ARHGAP10: variants seen among roughly 807,000 people sequenced by gnomAD.
The protein encoded by ARHGAP10 is rho GTPase-activating protein 10.
In ARHGAP10, 87 loss-of-function variants were observed where a neutral mutation model predicts 108.6. The observed-to-expected ratio is 0.80, with a 90% CI of 0.67 to 0.96. The LOEUF is 0.96. ARHGAP10 is among the 40% of genes least tolerant of loss of function. ARHGAP10 has a pLI of 0.00. For synonymous variants in ARHGAP10, 347 were observed against 341.1 expected, an observed-to-expected ratio of 1.02 and a Z score of -0.19; for missense variants, 939 against 954.5, an observed-to-expected ratio of 0.98 and a Z score of 0.21.
At chr4:147,920,731 C>T (rs1199459496) in intron 13 of ARHGAP10, among the ~76,000 whole-genome samples, 8 of 152,030 alleles carry the variant, frequency 5.3e-5, no homozygotes, top group Admixed American at 3.9e-4. Flanking sequence ...AAATTTGCAC[C>T]GATTAAGAGA....
intron 3 of ARHGAP10, among the ~76,000 whole-genome samples, chr4:147,831,267 G>A (rs762841829): frequency 1.3e-5 from 2 of 152,204 alleles, no homozygotes; most frequent in Non-Finnish European, 2.9e-5. Context: ...GTGATGGAAA[G>A]CCTAAGCTTT....
intron 13 of ARHGAP10, chr4:147,917,134 A>T (rs349023): frequency 1 from 152,330 of 152,336 alleles, 76,162 homozygotes; most frequent in Non-Finnish European, 1. Context: ...TTGATTCAGG[A>T]GTAGGATAGC....
At chr4:147,819,431 T>C (rs973319434) in intron 1 of ARHGAP10, among the ~76,000 whole-genome samples, 17 of 152,182 alleles carry the variant, frequency 1.1e-4, no homozygotes, top group African/African-American at 4.1e-4. Flanking sequence ...ATAATGTGTA[T>C]GTGACTACTA....
At chr4:148,039,143 C>T (rs968986013) in intron 19 of ARHGAP10, among the ~76,000 whole-genome samples, 1 of 151,866 alleles carries the variant, frequency 6.6e-6, no homozygotes, top group Non-Finnish European at 1.5e-5. Context: ...TAAAAGACAA[C>T]AATGGACATG....
intron 13 of ARHGAP10, among the ~76,000 whole-genome samples, chr4:147,934,402 T>G (rs762404437): frequency 1.3e-5 from 2 of 152,162 alleles, no homozygotes; most frequent in Non-Finnish European, 2.9e-5. Context: ...GAGACTTTGA[T>G]GGTGGATGGA....
chr4:148,036,402 G>T (rs747980763), intron 19 of ARHGAP10, among the ~76,000 whole-genome samples: 1 of 152,118 alleles, frequency 6.6e-6, no homozygotes, highest in Non-Finnish European at 1.5e-5. Context: ...TAATCCCCAC[G>T]TGTCGTGGGA....
intron 1 of ARHGAP10, among the ~76,000 whole-genome samples, chr4:147,739,738 C>CTT (rs772201824): frequency 2.8e-4 from 39 of 137,630 alleles, no homozygotes; most frequent in Middle Eastern, 3.8e-3. Context: ...ATATCTTGGG[C>CTT]TTTTTTTTTT....
chr4:148,023,134 G>T (rs1226462396), intron 18 of ARHGAP10, 129 bp from the exon 19 acceptor site: 1 of 952,224 alleles, frequency 1.1e-6, no homozygotes, highest in African/African-American at 1.6e-5. Context: ...TCATTGGAAG[G>T]AATGGATTTT....
At chr4:147,909,888 G>A (rs1403489789) in intron 12 of ARHGAP10, 111 bp downstream of exon 12, 1 of 1,007,046 alleles carries the variant, frequency 9.9e-7, no homozygotes, top group Non-Finnish European at 1.5e-6. Flanking sequence ...CCCTCTATTA[G>A]ACAGAGGGGT....
intron 13 of ARHGAP10, among the ~76,000 whole-genome samples, chr4:147,915,428 G>A (rs1190646483): frequency 2.0e-5 from 3 of 152,118 alleles, no homozygotes; most frequent in Non-Finnish European, 4.4e-5. Flanking sequence ...TGTGTCATTT[G>A]CATGCTTATT....
At chr4:147,792,146 C>G (rs888863478) in intron 1 of ARHGAP10, among the ~76,000 whole-genome samples, 4 of 152,208 alleles carry the variant, frequency 2.6e-5, no homozygotes, top group African/African-American at 7.2e-5. Flanking sequence ...ATTACATTCC[C>G]TCTGCATTGT....
intron 1 of ARHGAP10, among the ~76,000 whole-genome samples, chr4:147,745,577 C>T (rs528462817): frequency 7.9e-5 from 12 of 152,236 alleles, no homozygotes; most frequent in Admixed American, 4.6e-4. Context: ...CTGCAAGCCC[C>T]GCCTCCTGGG....
chr4:147,774,286 C>T (rs890338543), intron 1 of ARHGAP10, among the ~76,000 whole-genome samples: 3 of 152,146 alleles, frequency 2.0e-5, no homozygotes, highest in African/African-American at 7.2e-5. Flanking sequence ...GTCTTGGGGT[C>T]TCCAGCCAAA....
intron 22 of ARHGAP10, among the ~76,000 whole-genome samples, chr4:148,068,701 AG>A (rs1423691682): frequency 1.3e-5 from 2 of 152,220 alleles, no homozygotes; most frequent in African/African-American, 2.4e-5. Context: ...GGTGGGAGAT[AG>A]GACAGAGCCC....
chr4:147,899,564 T>G (rs1477546697), intron 10 of ARHGAP10, among the ~76,000 whole-genome samples: 1 of 152,212 alleles, frequency 6.6e-6, no homozygotes, highest in Non-Finnish European at 1.5e-5. Flanking sequence ...CTCTAATGAT[T>G]AATTGCTTGA....
intron 19 of ARHGAP10, among the ~76,000 whole-genome samples, chr4:148,045,174 G>A (rs1319454123): frequency 6.6e-6 from 1 of 152,142 alleles, no homozygotes; most frequent in Non-Finnish European, 1.5e-5. Flanking sequence ...TTAACAGAAT[G>A]TTCTGCACAG....
In ARHGAP10 at chr4:147,732,166, C is replaced by G; in HGVS notation, c.-136C>G. ...TCGGCTCTACGGGACATGTCCGTGCCGCGCTCGCCGCGCGCCCGGGCCTGC... is the reference window on the plus strand; with the variant it reads ...TCGGCTCTACGGGACATGTCCGTGCGGCGCTCGCCGCGCGCCCGGGCCTGC... On this transcript the variant is annotated 5_prime_UTR_variant, in exon 1 of 23. Coordinates refer to ENST00000336498, the MANE Select transcript of ARHGAP10 (RefSeq NM_024605.4). 1 of 813,424 alleles carries G rather than the reference C, an allele frequency of 1.2e-6. No homozygotes were observed. The highest frequency in any genetic ancestry group is 1.7e-6 in the Non-Finnish European group (1 of 586,470). The allele number at this position is 813,424 out of a possible 1,614,324, so 50.4% of individuals were successfully genotyped here.
At chr4:147,785,297 G>T (rs577110455) in intron 1 of ARHGAP10, among the ~76,000 whole-genome samples, 1 of 151,848 alleles carries the variant, frequency 6.6e-6, no homozygotes, top group African/African-American at 2.4e-5. Context: ...TTCTTCTGTT[G>T]TGTCTCCAAT....
At chr4:147,948,824 G>A (rs925507333) in intron 15 of ARHGAP10, among the ~76,000 whole-genome samples, 8 of 151,738 alleles carry the variant, frequency 5.3e-5, no homozygotes, top group Non-Finnish European at 1.2e-4. Flanking sequence ...AAAATTAGCC[G>A]GCATGGTGGT....
Sources: allele counts gnomAD v4.1 joint callset (sites outside exome capture counted in the v4.1 genomes callset), GRCh38; gene constraint gnomAD v4.1.1; transcripts MANE v1.5; gene names NCBI Gene and HGNC (gene_info 2026-07-23, HGNC 2026-07-21).